Variants in NDOR1 observed in about 807,000 individuals in gnomAD.
The protein encoded by NDOR1 is NADPH dependent diflavin oxidoreductase 1.
NDOR1 carries 61 observed loss-of-function variants against 67.2 expected under a neutral mutation model. The ratio of observed to expected loss-of-function variants is 0.91; its 90% CI spans 0.74 to 1.12. NDOR1 has a LOEUF of 1.12. Ranked by LOEUF, NDOR1 falls within the 50% of genes most tolerant of loss-of-function variation. The probability of loss-of-function intolerance (pLI) is 0.00; values close to 1 mark genes in which losing one functional copy is unlikely to be tolerated. For missense variants in NDOR1, 878 were observed against 802.8 expected, an observed-to-expected ratio of 1.09 and a Z score of -1.13; for synonymous variants, 378 against 343.7, an observed-to-expected ratio of 1.10 and a Z score of -1.10.
Position 137,217,690 on chromosome 9 carries a change from T to G in NDOR1, c.*1274T>G. ...CCAGTGAGGAGAGCCAGCCGGGAGGTCAGTGCCAGAGCTCTGGTGGAGCCC... is the reference window on the plus strand; with the variant it reads ...CCAGTGAGGAGAGCCAGCCGGGAGGGCAGTGCCAGAGCTCTGGTGGAGCCC... On this transcript the variant is annotated 3_prime_UTR_variant, in exon 14 of 14. Coordinates refer to ENST00000684003, the MANE Select transcript of NDOR1 (RefSeq NM_014434.4). The G allele has an allele frequency of 3.2e-6, 1 of 310,708 alleles. No individual in the cohort carries two copies. The highest frequency in any genetic ancestry group is 5.0e-5 in the East Asian group (1 of 20,166). The allele number at this position is 310,708 out of a possible 1,614,324, so 19.2% of individuals were successfully genotyped here. A position where few individuals can be genotyped will look rare whatever the true frequency, so the allele number is the denominator to read the frequency against.
At position 137,217,180 on chromosome 9, in the gene NDOR1, T is replaced by C. The variant is rs915531888; in HGVS notation, c.*764T>C. On this transcript the variant is annotated 3_prime_UTR_variant, in exon 14 of 14. Transcript: ENST00000684003. ...CCCTGGGTGCTGGGTGCTGGATGGG[T>C]GGGCGCCACGGTGCACCCTTGTTGG... Among the ~76,000 whole-genome samples the C allele has an allele frequency of 1.1e-4, 16 of 151,938 alleles. No homozygotes were observed. Among genetic ancestry groups the C allele is most frequent in the Admixed American group, 5.2e-4 (8 of 15,258 alleles).
rs766079829 is a variant in NDOR1, at chr9:137,206,255, G to A, written c.159G>A (p.Leu53=). The A allele has an allele frequency of 6.2e-7, 1 of 1,613,940 alleles. No homozygotes were observed. The highest frequency in any genetic ancestry group is 1.1e-5 in the South Asian group (1 of 91,076). ...AGGTGAATCTGATTAACGAGCCCCT[G>A]GTGATATTTGTTTGTGCAACTACAG... ...YPVVNLINEP[L]VIFVCATTGQ... Residue 53 remains leucine, a synonymous_variant, in exon 2 of 14, where the codon CTG becomes CTA. Coordinates refer to ENST00000684003, the MANE Select transcript of NDOR1 (RefSeq NM_014434.4).
Position 137,214,423 on chromosome 9 carries a change from G to C in NDOR1, c.722+10G>C, listed in dbSNP as rs780378837. 4.3e-6 allele frequency: 7 copies of C among 1,612,682 alleles called. No homozygotes were observed. In the Admixed American group the frequency reaches 1.2e-4, roughly 27 times the overall value. ...TGGGCTCTGGCATCAGGTGGGGACT[G>C]CTGGGGACCGAGGAGGGCAAGGTGA... On this transcript the variant is annotated intron_variant, in intron 6 of 13. Transcript: ENST00000684003.
chr9:137,213,724 T>C, intron 3 of NDOR1, 56 bp from the exon 4 acceptor site: 1 of 1,549,554 alleles, frequency 6.5e-7, no homozygotes, highest in East Asian at 2.3e-5. Flanking sequence ...CCACTCTGCC[T>C]GGGCACCACT....
intron 5 of NDOR1, 66 bp downstream of exon 5, chr9:137,214,134 G>T: frequency 6.5e-7 from 1 of 1,536,420 alleles, no homozygotes; most frequent in Non-Finnish European, 8.8e-7. Context: ...ACCTCGCCCT[G>T]GGTCCCTCCC....
At chr9:137,210,708 G>A (rs564941777) in intron 2 of NDOR1, among the ~76,000 whole-genome samples, 21 of 152,050 alleles carry the variant, frequency 1.4e-4, no homozygotes, top group South Asian at 1.0e-3. Context: ...TTAGCTGGGC[G>A]TGGTGACACA....
chr9:137,215,715 C>G lies in NDOR1; in HGVS notation c.1345C>G (p.Pro449Ala), dbSNP rs957491189. Reference sequence around the variant, plus strand: ...TGGGAGTCTGGCCTTCCCAGAGACACCAGACACACCTGTGATCATGGTGGG... The same window carrying G: ...TGGGAGTCTGGCCTTCCCAGAGACAGCAGACACACCTGTGATCATGGTGGG... ...RPGSLAFPET[P>A]DTPVIMVGPG... Residue 449 changes from proline (P) to alanine (A), a missense_variant, in exon 11 of 14, where the codon CCA becomes GCA. Coordinates refer to ENST00000684003, the MANE Select transcript of NDOR1 (RefSeq NM_014434.4). 3.1e-6 allele frequency: 5 copies of G among 1,598,902 alleles called. No homozygotes were observed. The highest frequency in any genetic ancestry group is 4.3e-6 in the Non-Finnish European group (5 of 1,171,340).
chr9:137,215,179 T>G lies in NDOR1; in HGVS notation c.1150T>G (p.Phe384Val), dbSNP rs1394296916. 1.2e-6 allele frequency: 2 copies of G among 1,612,708 alleles called. No individual in the cohort carries two copies. The highest frequency in any genetic ancestry group is 2.2e-5 in the East Asian group (1 of 44,876). ...DLIPVIRPRA[F>V]SIASSLLTHP... ...CATCCCCGTTATCCGGCCGAGGGCC[T>G]TCTCCATCGCCTCCTCGCTGCTGGT... The change falls in exon 9 of 14, where the codon TTC becomes GTC. Residue 384 changes from phenylalanine to valine, a missense_variant. Phe to Val is a conservative substitution (Grantham distance 50). Transcript: ENST00000684003.
At chr9:137,213,212 T>C (rs1835346924) in intron 3 of NDOR1, among the ~76,000 whole-genome samples, 1 of 152,188 alleles carries the variant, frequency 6.6e-6, no homozygotes, top group African/African-American at 2.4e-5. Context: ...GTGCGTGACG[T>C]AGGTCCGTGC....
chr9:137,206,874 T>C (rs1834993970), intron 2 of NDOR1, among the ~76,000 whole-genome samples: 1 of 151,616 alleles, frequency 6.6e-6, no homozygotes, highest in Non-Finnish European at 1.5e-5. Context: ...AAGAAAAGAG[T>C]GTAAGCTGAG....
In NDOR1 at chr9:137,205,928, G is replaced by A; in HGVS notation, c.135+16G>A. 6.4e-7 allele frequency: 1 copy of A among 1,572,646 alleles called. No homozygotes were observed. Among genetic ancestry groups the A allele is most frequent in the Non-Finnish European group, 8.6e-7 (1 of 1,164,414 alleles). Reference sequence around the variant, plus strand: ...CTACCCGGTGGTGAGGGCTCGCTAGGGCCTCGGCGTGGGGGACGAGCAGGC... The same window carrying A: ...CTACCCGGTGGTGAGGGCTCGCTAGAGCCTCGGCGTGGGGGACGAGCAGGC... On this transcript the variant is annotated intron_variant, in intron 1 of 13. Transcript: ENST00000684003.
At position 137,215,540 on chromosome 9, in the gene NDOR1, G is replaced by C; in HGVS notation, c.1288+19G>C. On this transcript the variant is annotated intron_variant, in intron 10 of 13. Coordinates refer to ENST00000684003, the MANE Select transcript of NDOR1 (RefSeq NM_014434.4). The stretch of plus-strand genomic sequence containing the variant: ...GGGCAAGGTGACCCCTGCTCCCAGG[G>C]TGGGGGCCGTGGGCCCATATCCCCT... 1 of 1,612,124 alleles carries C rather than the reference G, an allele frequency of 6.2e-7. No homozygotes were observed. The highest frequency in any genetic ancestry group is 8.5e-7 in the Non-Finnish European group (1 of 1,179,276).
Position 137,216,528 on chromosome 9 carries a change from G to T in NDOR1, c.*112G>T, listed in dbSNP as rs966274256. The T allele has an allele frequency of 2.4e-5, 33 of 1,384,992 alleles. No homozygotes were observed. Among genetic ancestry groups the T allele is most frequent in the Non-Finnish European group, 3.1e-5 (32 of 1,039,486 alleles). 85.8% of individuals were successfully genotyped at this position (1,384,992 alleles called of 1,614,324 possible). ...GTCATCCTCTCGGACCAGCCAGCTG[G>T]TCCTCTGGGAACAGCCAGCTCCCGA... On this transcript the variant is annotated 3_prime_UTR_variant, in exon 14 of 14. Coordinates refer to ENST00000684003, the MANE Select transcript of NDOR1 (RefSeq NM_014434.4).
intron 2 of NDOR1, among the ~76,000 whole-genome samples, chr9:137,206,848 A>G (rs556338364): frequency 4.6e-5 from 7 of 152,356 alleles, no homozygotes; most frequent in African/African-American, 1.7e-4. Context: ...CTTGGGGCCC[A>G]GGCAGAGGTT....
chr9:137,208,266 G>A (rs958237217), intron 2 of NDOR1, among the ~76,000 whole-genome samples: 9 of 151,014 alleles, frequency 6.0e-5, no homozygotes, highest in South Asian at 2.1e-4. Flanking sequence ...TGGCTAACAC[G>A]GTGTGAAACC....
rs1412808854 is a variant in NDOR1 at position 137,213,884 on chromosome 9, T to C, written c.410+6T>C. The stretch of plus-strand genomic sequence containing the variant: ...GATGACCAGCATGAGCTGGGGTGAG[T>C]CTGCGGGCGTGGTACCCGCCTCCAC... On this transcript the variant is annotated splice_donor_region_variant and intron_variant, in intron 4 of 13. Coordinates refer to ENST00000684003, the MANE Select transcript of NDOR1 (RefSeq NM_014434.4). 2 of 1,605,886 alleles carry C rather than the reference T, an allele frequency of 1.2e-6. No homozygotes were observed. Among genetic ancestry groups the C allele is most frequent in the South Asian group, 1.1e-5 (1 of 90,352 alleles).
intron 3 of NDOR1, 148 bp from the exon 4 acceptor site, chr9:137,213,632 C>T (rs537600088): frequency 3.2e-5 from 25 of 774,570 alleles, no homozygotes; most frequent in South Asian, 3.1e-4. Flanking sequence ...TCCTAGGGTG[C>T]GGCCAGCGTG....
Position 137,215,786 on chromosome 9 carries a change from T to C in NDOR1, c.1416T>C (p.Arg472=), listed in dbSNP as rs76182525. ...CCTTCCGAGCAGCCATCCAGGAGCG[T>C]GTGGCCCAGGGCCAGACTGGTGAGC... ...VAPFRAAIQE[R]VAQGQTGNFL... is the part of the protein sequence containing the mutation. The change falls in exon 11 of 14, where the codon CGT becomes CGC. Residue 472 remains arginine, a synonymous_variant. Transcript: ENST00000684003. 3,656 of 1,596,506 alleles carry C rather than the reference T, an allele frequency of 2.3e-3. 77 individuals are homozygous for C. In the African/African-American group the frequency reaches 0.041, roughly 18 times the overall value.
chr9:137,215,459 G>A lies in NDOR1; in HGVS notation c.1226G>A (p.Arg409His), dbSNP rs369970164. Reference protein sequence around the residue: ...ILVAVVQFQTRLKEPRRGLCS... With the variant: ...ILVAVVQFQTHLKEPRRGLCS... ...GTGGCTGTAGTGCAGTTCCAGACTC[G>A]CCTCAAGGAGCCCCGCCGGGGCCTC... Residue 409 changes from arginine (R) to histidine (H), a missense_variant, in exon 10 of 14, where the codon CGC becomes CAC. Physicochemically the swap from Arg to His is conservative, Grantham distance 29 (BLOSUM62 0). Coordinates refer to ENST00000684003, the MANE Select transcript of NDOR1 (RefSeq NM_014434.4). The A allele has an allele frequency of 3.9e-5, 63 of 1,612,952 alleles. No homozygotes were observed. Among genetic ancestry groups the A allele is most frequent in the African/African-American group, 5.3e-5 (4 of 74,810 alleles).
Sources: allele counts gnomAD v4.1 joint callset (sites outside exome capture counted in the v4.1 genomes callset), GRCh38; gene constraint gnomAD v4.1.1; transcripts MANE v1.5; gene names NCBI Gene and HGNC (gene_info 2026-07-23, HGNC 2026-07-21).